STIP1: variants seen among roughly 807,000 people sequenced by gnomAD.
The protein encoded by STIP1 is stress induced phosphoprotein 1.
STIP1 carries 16 observed loss-of-function variants against 77.4 expected under a neutral mutation model. The observed-to-expected ratio is 0.21, with a 90% CI of 0.14 to 0.31. The LOEUF (loss-of-function observed/expected upper bound fraction) is 0.31. Ranked by LOEUF, STIP1 falls within the 10% of genes least tolerant of loss-of-function variation. The pLI is 1.00. For synonymous variants in STIP1, 258 were observed against 246.6 expected, an observed-to-expected ratio of 1.05 and a Z score of -0.44; for missense variants, 524 against 684.8, an observed-to-expected ratio of 0.77 and a Z score of 2.62.
chr11:64,193,645 G>T (rs928909236), intron 2 of STIP1, among the ~76,000 whole-genome samples: 5 of 152,158 alleles, frequency 3.3e-5, no homozygotes, highest in Non-Finnish European at 7.3e-5. Context: ...AATTTAGCCA[G>T]GCATGGTGGC....
intron 5 of STIP1, among the ~76,000 whole-genome samples, chr11:64,196,578 A>T (rs1225608551): frequency 6.6e-6 from 1 of 152,078 alleles, no homozygotes; most frequent in East Asian, 1.9e-4. Flanking sequence ...GATCCGAAGA[A>T]TGTTGTCCAC....
At chr11:64,198,719 A>G (rs897528997) in intron 8 of STIP1, among the ~76,000 whole-genome samples, 1 of 149,112 alleles carries the variant, frequency 6.7e-6, no homozygotes, top group African/African-American at 2.5e-5. Context: ...AACAGTGACA[A>G]CATGTAGGAA....
At chr11:64,202,555 G>A (rs1029883653) in intron 10 of STIP1, 2 of 334,468 alleles carry the variant, frequency 6.0e-6, no homozygotes, top group African/African-American at 4.3e-5. Flanking sequence ...GCGTTGTTTT[G>A]TTTTTTAGTC....
rs755966656 is a variant in STIP1, at chr11:64,193,247, A to G, written c.179A>G (p.Asp60Gly). Residue 60 changes from aspartate to glycine, a missense_variant, in exon 2 of 14, where the codon GAT (aspartate) becomes GGT (glycine). Physicochemically the swap from Asp to Gly is moderately conservative, Grantham distance 94. Coordinates refer to ENST00000305218, the MANE Select transcript of STIP1 (RefSeq NM_006819.3). ...GGAGACTACCAGAAGGCTTATGAGG[A>G]TGGCTGCAAGACTGTCGACCTAAAG... Reference protein sequence around the residue: ...KKGDYQKAYEDGCKTVDLKPD... With the variant: ...KKGDYQKAYEGGCKTVDLKPD... The G allele has an allele frequency of 6.2e-7, 1 of 1,614,182 alleles. No homozygotes were observed. Among genetic ancestry groups the G allele is most frequent in the South Asian group, 1.1e-5 (1 of 91,084 alleles).
chr11:64,193,266 C>A lies in STIP1; in HGVS notation c.198C>A (p.Asp66Glu), dbSNP rs779106379. The change falls in exon 2 of 14, where the codon GAC becomes GAA. Residue 66 changes from aspartate (D) to glutamate (E), a missense_variant. Asp to Glu is a conservative substitution (Grantham distance 45). Coordinates refer to ENST00000305218, the MANE Select transcript of STIP1 (RefSeq NM_006819.3). ...ATGAGGATGGCTGCAAGACTGTCGACCTAAAGCCTGACTGGGGCAAGGTCA... is the reference window on the plus strand; with the variant it reads ...ATGAGGATGGCTGCAAGACTGTCGAACTAAAGCCTGACTGGGGCAAGGTCA... Reference protein sequence around the residue: ...KAYEDGCKTVDLKPDWGKGYS... With the variant: ...KAYEDGCKTVELKPDWGKGYS... The A allele has an allele frequency of 6.2e-7, 1 of 1,614,188 alleles. No homozygotes were observed. Among genetic ancestry groups the A allele is most frequent in the Non-Finnish European group, 8.5e-7 (1 of 1,180,032 alleles).
intron 5 of STIP1, chr11:64,196,690 T>C: frequency 6.4e-6 from 1 of 156,700 alleles, no homozygotes; most frequent in South Asian, 1.9e-4. Context: ...CCTCAACGAT[T>C]TCATTTCCCT....
At chr11:64,194,882 C>T (rs996183325) in intron 4 of STIP1, among the ~76,000 whole-genome samples, 8 of 152,158 alleles carry the variant, frequency 5.3e-5, no homozygotes, top group African/African-American at 1.7e-4. Flanking sequence ...GCGTCAACCC[C>T]ATCCTTTCCA....
chr11:64,199,963 A>G lies in STIP1; in HGVS notation c.1047A>G (p.Gln349=). The part of the protein sequence containing the change: ...CQQAEKILKE[Q]ERLAYINPDL... ...AGGCAGAGAAAATCCTGAAGGAGCA[A>G]GAGCGGCTGGCCTACATAAACCCCG... The change falls in exon 9 of 14, where the codon CAA becomes CAG. Residue 349 remains glutamine (Q), a synonymous_variant. Transcript: ENST00000305218. 2 of 1,614,184 alleles carry G rather than the reference A, an allele frequency of 1.2e-6. No individual in the cohort carries two copies. The highest frequency in any genetic ancestry group is 1.7e-6 in the Non-Finnish European group (2 of 1,180,028).
At chr11:64,185,959 G>A (rs1946008181), upstream of STIP1, 2 of 1,538,096 alleles carry the variant, frequency 1.3e-6, no homozygotes, top group South Asian at 1.2e-5. Context: ...CCCTCCATTC[G>A]TGGAGCCTGA....
rs115225004 is a variant in STIP1, at chr11:64,195,005, G to A, written c.503+385G>A. 2.4e-3 allele frequency among the ~76,000 whole-genome samples: 360 copies of A among 152,212 alleles called. 3 individuals carry two copies. The highest frequency in any genetic ancestry group is 8.4e-3 in the African/African-American group (349 of 41,516). On this transcript the variant is annotated intron_variant, in intron 4 of 13. Coordinates refer to ENST00000305218, the MANE Select transcript of STIP1 (RefSeq NM_006819.3). ...TGGTATTCATCTCTATCAATCCTCTGGCTCCTGAGATCAGCTACGGAAGTA... is the reference window on the plus strand; with the variant it reads ...TGGTATTCATCTCTATCAATCCTCTAGCTCCTGAGATCAGCTACGGAAGTA...
Position 64,197,943 on chromosome 11 carries a change from G to T in STIP1, c.992G>T (p.Arg331Leu). The change falls in exon 8 of 14, where the codon CGA (arginine) becomes CTA (leucine). Residue 331 changes from arginine to leucine, a missense_variant. Physicochemically the swap from Arg to Leu is moderately radical, Grantham distance 102 (BLOSUM62 -2). Coordinates refer to ENST00000305218, the MANE Select transcript of STIP1 (RefSeq NM_006819.3). The part of the protein sequence containing the change: ...HFYNKSLAEH[R>L]TPDVLKKCQQ... ...TATAACAAGTCTCTGGCAGAGCACC[G>T]AACCCCAGATGTGCTCAAGAAATGC... The T allele has an allele frequency of 6.2e-7, 1 of 1,613,586 alleles. No homozygotes were observed. The highest frequency in any genetic ancestry group is 8.5e-7 in the Non-Finnish European group (1 of 1,179,880).
chr11:64,197,412 C>T lies in STIP1; in HGVS notation c.799+15C>T. 1 of 1,613,968 alleles carries T rather than the reference C, an allele frequency of 6.2e-7. No individual in the cohort carries two copies. Among genetic ancestry groups the T allele is most frequent in the Non-Finnish European group, 8.5e-7 (1 of 1,179,998 alleles). ...CAATCAAGCAGGTGAGGCCCAGAAA[C>T]AAGGGGCAAGGGAATTGTTGGGTGT... On this transcript the variant is annotated intron_variant, in intron 6 of 13. Transcript: ENST00000305218.
chr11:64,185,406 G>C (rs1484130330), upstream of STIP1: 1 of 209,994 alleles, frequency 4.8e-6, no homozygotes, highest in Non-Finnish European at 9.8e-6. Context: ...AAGCCCAAGC[G>C]CCCTCGCGGT....
intron 1 of STIP1, among the ~76,000 whole-genome samples, chr11:64,188,216 G>C (rs894489178): frequency 6.6e-6 from 1 of 151,670 alleles, no homozygotes; most frequent in Admixed American, 6.6e-5. Context: ...TCATGGCGCA[G>C]GCCTGTAATC....
intron 3 of STIP1, 53 bp from the exon 4 acceptor site, chr11:64,194,426 A>C: frequency 6.2e-7 from 1 of 1,612,428 alleles, no homozygotes; most frequent in East Asian, 2.2e-5. Flanking sequence ...TATGGGACAC[A>C]GTAATTCTAG....
chr11:64,186,716 T>C (rs1946024181), intron 1 of STIP1, among the ~76,000 whole-genome samples: 1 of 152,232 alleles, frequency 6.6e-6, no homozygotes, highest in African/African-American at 2.4e-5. Context: ...CGCTCGGGAC[T>C]TAGCCACGAG....
chr11:64,186,018 C>A (rs1212946323), upstream of STIP1: 10 of 1,544,354 alleles, frequency 6.5e-6, no homozygotes, highest in Non-Finnish European at 7.9e-6. Flanking sequence ...GCGGGGGAGG[C>A]AGGGTTGAGG....
Position 64,203,937 on chromosome 11 carries a change from G to C in STIP1, c.1560-117G>C, listed in dbSNP as rs375407418. 7.0e-6 allele frequency: 9 copies of C among 1,290,884 alleles called. No individual in the cohort carries two copies. The African/African-American group carries it at 1.2e-4, about 17-fold the overall frequency. The allele number at this position is 1,290,884 out of a possible 1,614,324, so 80.0% of individuals were successfully genotyped here. ...TCTGCAGCTCGGCGCCCCGGGCCTC[G>C]CCAGGACCCCTCCCTGCCGGGGCCT... On this transcript the variant is annotated intron_variant, in intron 13 of 13. Coordinates refer to ENST00000305218, the MANE Select transcript of STIP1 (RefSeq NM_006819.3).
chr11:64,192,996 A>T, intron 1 of STIP1, 82 bp from the exon 2 acceptor site: 1 of 1,323,614 alleles, frequency 7.6e-7, no homozygotes, highest in Non-Finnish European at 1.1e-6. Context: ...GTTGGTAACT[A>T]CATGAAAGAA....
Sources: allele counts gnomAD v4.1 joint callset (sites outside exome capture counted in the v4.1 genomes callset), GRCh38; gene constraint gnomAD v4.1.1; transcripts MANE v1.5; gene names NCBI Gene and HGNC (gene_info 2026-07-23, HGNC 2026-07-21).